VPS35: variants seen among roughly 807,000 people sequenced by gnomAD.
The protein encoded by VPS35 is VPS35 retromer complex component, also known as vacuolar protein sorting-associated protein 35.
A neutral mutation model predicts 98.1 loss-of-function variants in VPS35; 21 were observed. The ratio of observed to expected loss-of-function variants is 0.21; its 90% CI spans 0.15 to 0.31. The LOEUF (loss-of-function observed/expected upper bound fraction) is 0.31. VPS35 is among the 10% of genes least tolerant of loss of function. The pLI is 1.00. For missense variants in VPS35, 554 were observed against 950.8 expected, an observed-to-expected ratio of 0.58 and a Z score of 5.49; for synonymous variants, 268 against 318.2, an observed-to-expected ratio of 0.84 and a Z score of 1.68.
rs771276024 is a variant in VPS35 at position 46,676,646 on chromosome 16, C to T, written c.851G>A (p.Arg284Gln). Reference protein sequence around the residue: ...FHLQTLNPFLRACAELHQNVN... With the variant: ...FHLQTLNPFLQACAELHQNVN... Reference sequence around the variant, plus strand: ...ATTCTGGTGTAACTCAGCACAGGCCCGAAGAAAAGGATTCAAAGTCTGGAG... The same window carrying T: ...ATTCTGGTGTAACTCAGCACAGGCCTGAAGAAAAGGATTCAAAGTCTGGAG... The change falls in exon 8 of 17, where the codon CGG becomes CAG. Residue 284 changes from arginine to glutamine, a missense_variant. Transcript: ENST00000299138. 3.1e-6 allele frequency: 5 copies of T among 1,612,956 alleles called. No individual in the cohort carries two copies. Among genetic ancestry groups the T allele is most frequent in the East Asian group, 2.2e-5 (1 of 44,818 alleles).
chr16:46,661,576 T>G lies in VPS35; in HGVS notation c.2211+142A>C, dbSNP rs1243978545. ...ACATTATGACAAATTAGCCTATTAT[T>G]TGACATCTGTAAATTATTTTACATT... On this transcript the variant is annotated intron_variant, in intron 16 of 16. Coordinates refer to ENST00000299138, the MANE Select transcript of VPS35 (RefSeq NM_018206.6). This position sits in a 1 kb window ranked among gnomAD's most constrained non-coding sequence, Gnocchi z 4.3. 7 of 834,228 alleles carry G rather than the reference T, an allele frequency of 8.4e-6. No individual in the cohort carries two copies. The East Asian group carries it at 1.6e-4, about 19-fold the overall frequency. The allele number at this position is 834,228 out of a possible 1,614,324, so 51.7% of individuals were successfully genotyped here. A position where few individuals can be genotyped will look rare whatever the true frequency, so the allele number is the denominator to read the frequency against.
intron 13 of VPS35, 119 bp from the exon 14 acceptor site, chr16:46,663,281 TTC>T (rs1236001191): frequency 2.1e-6 from 2 of 942,018 alleles, no homozygotes; most frequent in African/African-American, 1.6e-5. Flanking sequence ...GTCATTTTCC[TTC>T]TCTGTTTCAG....
intron 13 of VPS35, among the ~76,000 whole-genome samples, chr16:46,666,978 A>G (rs1965999508): frequency 6.6e-6 from 1 of 152,232 alleles, no homozygotes; most frequent in South Asian, 2.1e-4. Context: ...CTTTGAATGC[A>G]TAACTAGATG....
intron 13 of VPS35, among the ~76,000 whole-genome samples, chr16:46,667,917 T>C (rs959890378): frequency 6.6e-6 from 1 of 152,248 alleles, no homozygotes; most frequent in Non-Finnish European, 1.5e-5. Flanking sequence ...ACCATACTGC[T>C]TTAATTACTA....
At chr16:46,681,136 G>A (rs1370899584) in intron 4 of VPS35, among the ~76,000 whole-genome samples, 1 of 149,588 alleles carries the variant, frequency 6.7e-6, no homozygotes, top group Non-Finnish European at 1.5e-5. Flanking sequence ...TTTTCTAATA[G>A]TCAAGACATT....
chr16:46,676,438 TCA>T, intron 8 of VPS35, 143 bp downstream of exon 8: 1 of 675,832 alleles, frequency 1.5e-6, no homozygotes, highest in South Asian at 1.7e-5. Flanking sequence ...GTACTCATAC[TCA>T]CAAAGCTAAA....
intron 13 of VPS35, among the ~76,000 whole-genome samples, chr16:46,667,199 C>T (rs1248502598): frequency 6.6e-6 from 1 of 152,192 alleles, no homozygotes; most frequent in Non-Finnish European, 1.5e-5. Flanking sequence ...TTTTGATTTA[C>T]ATTTTCCTGA....
rs1436662313 is a variant in VPS35 at position 46,672,900 on chromosome 16, C to T, written c.1161-428G>A. Among the ~76,000 whole-genome samples the T allele has an allele frequency of 2.0e-5, 3 of 152,170 alleles. No homozygotes were observed. In the East Asian group the frequency reaches 5.8e-4, roughly 29 times the overall value. The stretch of plus-strand genomic sequence containing the variant: ...AGCAATTTGACACAACAGAAAAACA[C>T]ATAAACTATTTCTTCTGCATCAGAT... On this transcript the variant is annotated intron_variant, in intron 10 of 16. Transcript: ENST00000299138.
rs1263051990 is a variant in VPS35, at chr16:46,657,387, G to T, written c.*3085C>A. On this transcript the variant is annotated 3_prime_UTR_variant, in exon 17 of 17. Transcript: ENST00000299138. The stretch of plus-strand genomic sequence containing the variant: ...GCTTATTACCTTGAGGTCTCTGAAT[G>T]AGAGAGCAAATGTTAACAGAAGACC... 1 of 152,166 alleles carries T rather than the reference G, an allele frequency of 6.6e-6. No homozygotes were observed. The highest frequency in any genetic ancestry group is 1.5e-5 in the Non-Finnish European group (1 of 68,042). 9.4% of individuals were successfully genotyped at this position (152,166 alleles called of 1,614,324 possible).
At position 46,671,753 on chromosome 16, in the gene VPS35, G is replaced by C. The variant is rs773089248; in HGVS notation, c.1476C>G (p.Gly492=). 1 of 1,614,128 alleles carries C rather than the reference G, an allele frequency of 6.2e-7. No individual in the cohort carries two copies. The highest frequency in any genetic ancestry group is 8.5e-7 in the Non-Finnish European group (1 of 1,180,016). Residue 492 remains glycine, a synonymous_variant, in exon 12 of 17, where the codon GGC becomes GGG. Coordinates refer to ENST00000299138, the MANE Select transcript of VPS35 (RefSeq NM_018206.6). The part of the protein sequence containing the change: ...EDFADEQSLV[G]RFIHLLRSED... Reference sequence around the variant, plus strand: ...CAGAGCGCAGCAGATGAATGAAGCGGCCCACAAGGCTCTGCTCATCAGCAA... The same window carrying C: ...CAGAGCGCAGCAGATGAATGAAGCGCCCCACAAGGCTCTGCTCATCAGCAA...
chr16:46,670,743 C>A (rs1966056465), intron 12 of VPS35, among the ~76,000 whole-genome samples: 1 of 152,164 alleles, frequency 6.6e-6, no homozygotes, highest in African/African-American at 2.4e-5. Flanking sequence ...ATACCACAGT[C>A]CTGGAATGTT....
At chr16:46,684,347 G>A (rs1398287942) in intron 1 of VPS35, among the ~76,000 whole-genome samples, 1 of 152,174 alleles carries the variant, frequency 6.6e-6, no homozygotes, top group Non-Finnish European at 1.5e-5. Context: ...TAAGGAACTA[G>A]TTTACGAGAA....
At chr16:46,671,914 A>C (rs1489003291) in intron 11 of VPS35, 54 bp from the exon 12 acceptor site, 33 of 1,605,580 alleles carry the variant, frequency 2.1e-5, no homozygotes, top group Non-Finnish European at 2.6e-5. Context: ...TGGCATACAA[A>C]GCCATTATCA....
chr16:46,674,540 A>C (rs1966115308), intron 9 of VPS35, 24 bp downstream of exon 9: 1 of 1,607,110 alleles, frequency 6.2e-7, no homozygotes, highest in Non-Finnish European at 8.5e-7. Flanking sequence ...AGTTTTGAGA[A>C]CTTAGGAGAA....
At chr16:46,688,330 C>T (rs888851302) in intron 1 of VPS35, 24 of 986,912 alleles carry the variant, frequency 2.4e-5, no homozygotes, top group Non-Finnish European at 2.8e-5. Context: ...GGGAACCAGA[C>T]ACAAAGATTC....
At chr16:46,681,548 C>T (rs761089019) in intron 3 of VPS35, 48 bp from the exon 4 acceptor site, 8 of 1,605,966 alleles carry the variant, frequency 5.0e-6, no homozygotes, top group Non-Finnish European at 6.8e-6. Context: ...CCAACCTAAA[C>T]AAAACTTTGA....
At chr16:46,671,070 A>C (rs776865723) in intron 12 of VPS35, among the ~76,000 whole-genome samples, 2 of 152,008 alleles carry the variant, frequency 1.3e-5, no homozygotes, top group Non-Finnish European at 2.9e-5. Context: ...TCCATTTCAC[A>C]ATGATTCCCT....
intron 12 of VPS35, among the ~76,000 whole-genome samples, chr16:46,670,777 C>A (rs1447818282): frequency 6.6e-6 from 1 of 152,134 alleles, no homozygotes; most frequent in African/African-American, 2.4e-5. Context: ...AGACAAAGAC[C>A]ATCACACTAT....
chr16:46,686,922 C>T (rs1418599539), intron 1 of VPS35, among the ~76,000 whole-genome samples: 3 of 152,216 alleles, frequency 2.0e-5, no homozygotes. Context: ...AAGCAAAGAT[C>T]ATGAACTGAT....
Sources: allele counts gnomAD v4.1 joint callset (sites outside exome capture counted in the v4.1 genomes callset), GRCh38; gene constraint gnomAD v4.1.1; non-coding constraint Gnocchi (gnomAD v3.1); transcripts MANE v1.5; gene names NCBI Gene and HGNC (gene_info 2026-07-23, HGNC 2026-07-21).